Variants in GRIK3 observed in about 807,000 individuals in gnomAD.
GRIK3 encodes glutamate ionotropic receptor kainate type subunit 3, also known as glutamate receptor ionotropic, kainate 3.
GRIK3 carries 29 observed loss-of-function variants against 102.5 expected under a neutral mutation model. That is an observed-to-expected ratio of 0.28 (90% CI 0.21 to 0.39). The LOEUF (loss-of-function observed/expected upper bound fraction) is 0.39, where lower values mean the gene tolerates loss of function less well. GRIK3 is among the 10% of genes least tolerant of loss of function. The pLI, the probability that GRIK3 is intolerant of heterozygous loss-of-function variation, is 1.00. For missense variants in GRIK3, 908 were observed against 1,252.4 expected (o/e 0.73, Z 4.15); for synonymous variants, 511 against 504.9 (o/e 1.01, Z -0.16).
intron 1 of GRIK3, among the ~76,000 whole-genome samples, chr1:36,935,876 A>G (rs1641651500): frequency 6.6e-6 from 1 of 152,170 alleles, no homozygotes; most frequent in Admixed American, 6.5e-5. Flanking sequence ...ATTAATCGCA[A>G]ATTGATGGTG....
chr1:36,976,432 G>A (rs111804736), intron 1 of GRIK3, among the ~76,000 whole-genome samples: 3,265 of 152,144 alleles, frequency 0.021, 125 homozygotes, highest in African/African-American at 0.075. Context: ...GACCTCTTAA[G>A]CAGTAAGATG....
At chr1:36,944,217 AGAG>A (rs1371238495) in intron 1 of GRIK3, among the ~76,000 whole-genome samples, 8 of 152,126 alleles carry the variant, frequency 5.3e-5, no homozygotes, top group Admixed American at 3.3e-4. Context: ...AGGAGAGGAG[AGAG>A]GAGAACAACT....
chr1:36,996,697 G>A (rs1243325789), intron 1 of GRIK3, among the ~76,000 whole-genome samples: 1 of 152,178 alleles, frequency 6.6e-6, no homozygotes, highest in East Asian at 1.9e-4. Context: ...CCTCATTCCT[G>A]GTGGGGAACA....
chr1:36,886,977 G>T (rs1005940509), intron 2 of GRIK3, among the ~76,000 whole-genome samples: 3 of 152,026 alleles, frequency 2.0e-5, no homozygotes, highest in African/African-American at 7.3e-5. Flanking sequence ...AATTATATCC[G>T]AATCTATCCA....
At chr1:36,993,110 G>A (rs1401491889) in intron 1 of GRIK3, among the ~76,000 whole-genome samples, 1 of 152,150 alleles carries the variant, frequency 6.6e-6, no homozygotes, top group Non-Finnish European at 1.5e-5. Flanking sequence ...ATCAGCCATG[G>A]AAGAAGAGCC....
At position 36,798,547 on chromosome 1, in the gene GRIK3, TAAAAA is replaced by T. The variant is rs369365070; in HGVS notation, c.*3299_*3303del. On this transcript the variant is annotated 3_prime_UTR_variant, in exon 16 of 16. Coordinates refer to ENST00000373091, the MANE Select transcript of GRIK3 (RefSeq NM_000831.4). ...CCCACTGGCAGGACAGACCTAAACT[TAAAAA>T]AACACAAGATCTGCCTCACTGAAAA... 1.3e-5 allele frequency: 2 copies of T among 152,200 alleles called. No individual in the cohort carries two copies. The highest frequency in any genetic ancestry group is 2.9e-5 in the Non-Finnish European group (2 of 68,130). The allele number at this position is 152,200 out of a possible 1,614,324, so 9.4% of individuals were successfully genotyped here. A position where few individuals can be genotyped will look rare whatever the true frequency, so the allele number is the denominator to read the frequency against.
intron 9 of GRIK3, chr1:36,849,547 G>T (rs891915375): frequency 6.6e-6 from 1 of 152,266 alleles, no homozygotes; most frequent in Non-Finnish European, 1.5e-5. Context: ...AAGATGGCTC[G>T]GCTTGAGCCC....
At chr1:36,945,648 C>A (rs542924458) in intron 1 of GRIK3, among the ~76,000 whole-genome samples, 160 of 152,256 alleles carry the variant, frequency 1.1e-3, no homozygotes, top group South Asian at 6.2e-3. Context: ...GAAAAGGTAA[C>A]CAATATTCTC....
rs894133432 is a variant in GRIK3 at position 37,033,030 on chromosome 1, G to A, written c.115+964C>T. On this transcript the variant is annotated intron_variant, in intron 1 of 15. Transcript: ENST00000373091. ...CCCAGGCGGCCCAGGTGTCCGGCCT[G>A]GTGGCGGGCGCAGGGCCTGCGGTGA... Among the ~76,000 whole-genome samples the A allele has an allele frequency of 3.3e-5, 5 of 152,274 alleles. No individual in the cohort carries two copies. In the South Asian group the frequency reaches 1.0e-3, roughly 32 times the overall value.
At chr1:36,860,669 G>C (rs954985700) in intron 5 of GRIK3, among the ~76,000 whole-genome samples, 1 of 152,150 alleles carries the variant, frequency 6.6e-6, no homozygotes, top group Non-Finnish European at 1.5e-5. Flanking sequence ...CCGCCCTGCA[G>C]CTCTGGGTCT....
chr1:36,815,033 ATAT>A (rs373759591), intron 13 of GRIK3, among the ~76,000 whole-genome samples: 338 of 152,320 alleles, frequency 2.2e-3, no homozygotes, highest in African/African-American at 7.8e-3. Context: ...ACATTCCCAC[ATAT>A]TATATGCTGC....
chr1:37,008,228 G>C (rs921115591), intron 1 of GRIK3, among the ~76,000 whole-genome samples: 3 of 152,320 alleles, frequency 2.0e-5, no homozygotes, highest in Middle Eastern at 3.4e-3. Flanking sequence ...GAGGGCTCTA[G>C]GTGCAAAGGC....
chr1:36,888,650 A>G (rs1308821011), intron 2 of GRIK3, among the ~76,000 whole-genome samples: 1 of 152,172 alleles, frequency 6.6e-6, no homozygotes, highest in Admixed American at 6.5e-5. Context: ...TGGGATCCCC[A>G]GCACCTGGCA....
At chr1:36,989,187 C>T (rs1170961961) in intron 1 of GRIK3, among the ~76,000 whole-genome samples, 1 of 152,196 alleles carries the variant, frequency 6.6e-6, no homozygotes. Flanking sequence ...GTACACGCAT[C>T]CTCTCTCCAC....
At chr1:36,890,531 C>T (rs1003574148) in intron 2 of GRIK3, among the ~76,000 whole-genome samples, 8 of 151,630 alleles carry the variant, frequency 5.3e-5, no homozygotes, top group African/African-American at 1.9e-4. Context: ...GAATACAAGG[C>T]AAGGAGAAGC....
At chr1:36,853,497 G>A (rs1375502029) in intron 8 of GRIK3, 118 bp downstream of exon 8, 6 of 676,072 alleles carry the variant, frequency 8.9e-6, no homozygotes, top group Non-Finnish European at 7.9e-6. Flanking sequence ...GTCAATCCCT[G>A]AGGGGCAGCT....
Position 36,796,106 on chromosome 1 carries a change from G to C in GRIK3, c.*5745C>G, listed in dbSNP as rs1449916690. On this transcript the variant is annotated 3_prime_UTR_variant, in exon 16 of 16. Transcript: ENST00000373091. ...AGAGTTCAGTGCAGACCAGCCTGAC[G>C]CCTGAGGCTGAAGCTGGGGCAGGCT... 1 of 152,348 alleles carries C rather than the reference G, an allele frequency of 6.6e-6. No homozygotes were observed. The highest frequency in any genetic ancestry group is 2.1e-4 in the South Asian group (1 of 4,830). The allele number at this position is 152,348 out of a possible 1,614,324, so 9.4% of individuals were successfully genotyped here. A position where few individuals can be genotyped will look rare whatever the true frequency, so the allele number is the denominator to read the frequency against.
chr1:37,033,099 G>A (rs2124097685), intron 1 of GRIK3, among the ~76,000 whole-genome samples: 1 of 152,310 alleles, frequency 6.6e-6, no homozygotes, highest in East Asian at 1.9e-4. Context: ...CCTGCCGGTC[G>A]TCGGCCCGGG....
intron 10 of GRIK3, among the ~76,000 whole-genome samples, chr1:36,838,648 C>T (rs1410527520): frequency 6.6e-6 from 1 of 152,122 alleles, no homozygotes; most frequent in African/African-American, 2.4e-5. Flanking sequence ...TCCTGTTGGT[C>T]AGAGGCTCCA....
Sources: allele counts gnomAD v4.1 joint callset (sites outside exome capture counted in the v4.1 genomes callset), GRCh38; gene constraint gnomAD v4.1.1; transcripts MANE v1.5; gene names NCBI Gene and HGNC (gene_info 2026-07-23, HGNC 2026-07-21).